Variants in FSTL4 observed in about 807,000 individuals in gnomAD.
FSTL4 encodes follistatin-related protein 4.
FSTL4 carries 28 observed loss-of-function variants against 78.2 expected under a neutral mutation model. That is an observed-to-expected ratio of 0.36 (90% CI 0.27 to 0.49). FSTL4 has a LOEUF of 0.49. FSTL4 is among the 20% of genes least tolerant of loss of function. The pLI, the probability that FSTL4 is intolerant of heterozygous loss-of-function variation, is 0.98. For synonymous variants in FSTL4, 422 were observed against 440.5 expected, an observed-to-expected ratio of 0.96 and a Z score of 0.53; for missense variants, 922 against 1,084.9, an observed-to-expected ratio of 0.85 and a Z score of 2.11.
At chr5:133,616,310 AATCTATCT>A (rs374635447), upstream of FSTL4, among the ~76,000 whole-genome samples, 539 of 147,276 alleles carry the variant, frequency 3.7e-3, 3 homozygotes, top group African/African-American at 0.011. Flanking sequence ...TGAAAATCTA[AATCTATCT>A]ATCTATCTAT....
chr5:133,621,479 T>C, the FSTL4 span, among the ~76,000 whole-genome samples: 1 of 152,182 alleles, frequency 6.6e-6, no homozygotes, highest in Non-Finnish European at 1.5e-5. Context: ...GAGACTGTTA[T>C]TCTAAGTGAA....
intron 3 of FSTL4, among the ~76,000 whole-genome samples, chr5:133,404,537 T>C (rs1182228643): frequency 6.6e-6 from 1 of 152,198 alleles, no homozygotes; most frequent in Non-Finnish European, 1.5e-5. Flanking sequence ...TGGGAACAGT[T>C]ACATTAACAT....
At chr5:133,409,864 T>C (rs932197841) in intron 3 of FSTL4, among the ~76,000 whole-genome samples, 2 of 151,964 alleles carry the variant, frequency 1.3e-5, no homozygotes, top group East Asian at 1.9e-4. Context: ...GGTGGGAGAA[T>C]AGCGACCTGG....
the FSTL4 span, among the ~76,000 whole-genome samples, chr5:133,676,979 A>G: frequency 9.2e-5 from 14 of 152,338 alleles, no homozygotes; most frequent in Non-Finnish European, 1.3e-4. Flanking sequence ...CCCAAATGCC[A>G]TAAGAAATTT....
At chr5:133,481,321 A>G (rs2112858429) in intron 3 of FSTL4, among the ~76,000 whole-genome samples, 1 of 152,284 alleles carries the variant, frequency 6.6e-6, no homozygotes, top group Middle Eastern at 3.4e-3. Context: ...TGGGTGGATC[A>G]CTTGAGGCCA....
intron 3 of FSTL4, among the ~76,000 whole-genome samples, chr5:133,450,550 G>A (rs767724527): frequency 2.6e-5 from 4 of 152,252 alleles, no homozygotes; most frequent in Non-Finnish European, 5.9e-5. Context: ...TAAAAAAAGT[G>A]CATGAGCAAT....
chr5:133,329,662 G>C (rs530051317), intron 4 of FSTL4, among the ~76,000 whole-genome samples: 1 of 152,300 alleles, frequency 6.6e-6, no homozygotes, highest in South Asian at 2.1e-4. Flanking sequence ...AAGCTGACTA[G>C]ATTGTGCCCA....
the FSTL4 span, among the ~76,000 whole-genome samples, chr5:133,791,587 T>A: frequency 6.6e-6 from 1 of 152,194 alleles, no homozygotes; most frequent in Non-Finnish European, 1.5e-5. Flanking sequence ...CTGCTGAGCA[T>A]CTTCCAAGCC....
In FSTL4 at chr5:133,475,133, C is replaced by T. The variant is rs1014040107; in HGVS notation, c.161-74147G>A. On this transcript the variant is annotated intron_variant, in intron 3 of 15. Transcript: ENST00000265342. ...AAGTATGGGAAGCAGGGGAGCTGGACGTCCGTCACATGTCTCAGTTAGGAA... is the reference window on the plus strand; with the variant it reads ...AAGTATGGGAAGCAGGGGAGCTGGATGTCCGTCACATGTCTCAGTTAGGAA... 7.9e-5 allele frequency among the ~76,000 whole-genome samples: 12 copies of T among 152,318 alleles called. No individual in the cohort carries two copies. The Middle Eastern group carries it at 0.014, about 174-fold the overall frequency.
At chr5:133,381,670 A>T (rs1433398566) in intron 4 of FSTL4, among the ~76,000 whole-genome samples, 1 of 152,214 alleles carries the variant, frequency 6.6e-6, no homozygotes, top group Admixed American at 6.5e-5. Context: ...ACACATTTTC[A>T]TCCCACTGTC....
At chr5:133,280,146 C>A (rs1752977973) in intron 6 of FSTL4, among the ~76,000 whole-genome samples, 1 of 152,194 alleles carries the variant, frequency 6.6e-6, no homozygotes, top group African/African-American at 2.4e-5. Flanking sequence ...CCCTAGGAAA[C>A]CCATGGAAGG....
chr5:133,347,570 G>A (rs1754724055), intron 4 of FSTL4, among the ~76,000 whole-genome samples: 1 of 152,100 alleles, frequency 6.6e-6, no homozygotes, highest in Non-Finnish European at 1.5e-5. Flanking sequence ...TGTTGGCCAG[G>A]CTGGTCTCGA....
chr5:133,639,797 A>G, the FSTL4 span, among the ~76,000 whole-genome samples: 2 of 152,284 alleles, frequency 1.3e-5, no homozygotes, highest in African/African-American at 4.8e-5. Flanking sequence ...CTTATGTGCT[A>G]CCAGCTCGGG....
chr5:133,240,441 C>G (rs1174514446), intron 7 of FSTL4, among the ~76,000 whole-genome samples: 1 of 152,202 alleles, frequency 6.6e-6, no homozygotes, highest in Non-Finnish European at 1.5e-5. Flanking sequence ...TTGTGGGCAG[C>G]TGCATTCAGT....
chr5:133,780,543 G>A, the FSTL4 span, among the ~76,000 whole-genome samples: 1 of 152,142 alleles, frequency 6.6e-6, no homozygotes, highest in Non-Finnish European at 1.5e-5. Flanking sequence ...GACCTGGCCT[G>A]GCTTATCTGC....
intron 3 of FSTL4, among the ~76,000 whole-genome samples, chr5:133,508,883 T>C (rs1758667920): frequency 6.6e-6 from 1 of 152,228 alleles, no homozygotes; most frequent in Admixed American, 6.5e-5. Context: ...TTGTTGGGCC[T>C]TTCATCTTAC....
At position 133,364,277 on chromosome 5, in the gene FSTL4, C is replaced by T. The variant is rs116759074; in HGVS notation, c.409+36461G>A. 4.0e-3 allele frequency among the ~76,000 whole-genome samples: 583 copies of T among 145,892 alleles called. 8 individuals carry two copies. The highest frequency in any genetic ancestry group is 0.014 in the African/African-American group (567 of 39,154). ...CAGACTGCTTGTAACAACTAAAGCC[C>T]GGTTCTGTTGGGGGTGTGGGGGTGG... On this transcript the variant is annotated intron_variant, in intron 4 of 15. Coordinates refer to ENST00000265342, the MANE Select transcript of FSTL4 (RefSeq NM_015082.2).
In FSTL4 at chr5:133,484,412, G is replaced by A. The variant is rs907949695; in HGVS notation, c.160+82774C>T. Among the ~76,000 whole-genome samples the A allele has an allele frequency of 4.6e-5, 7 of 152,068 alleles. No individual in the cohort carries two copies. In the South Asian group the frequency reaches 6.2e-4, roughly 14 times the overall value. On this transcript the variant is annotated intron_variant, in intron 3 of 15. Coordinates refer to ENST00000265342, the MANE Select transcript of FSTL4 (RefSeq NM_015082.2). ...CTTAAACCAAGATTTAAGAAATCTC[G>A]GTTTTCTTCAGTAGCCCAGGAGGAA...
chr5:133,290,340 C>T (rs115281368), intron 6 of FSTL4, among the ~76,000 whole-genome samples: 2,843 of 152,314 alleles, frequency 0.019, 90 homozygotes, highest in African/African-American at 0.065. Context: ...TGCCCTCTGC[C>T]GCCAGCACTG....
Sources: allele counts gnomAD v4.1 joint callset (sites outside exome capture counted in the v4.1 genomes callset), GRCh38; gene constraint gnomAD v4.1.1; transcripts MANE v1.5; gene names NCBI Gene and HGNC (gene_info 2026-07-23, HGNC 2026-07-21).